MBD5: variants seen among roughly 807,000 people sequenced by gnomAD.
MBD5 encodes the protein methyl-CpG-binding domain protein 5.
MBD5 carries 13 observed loss-of-function variants against 117.3 expected under a neutral mutation model. The ratio of observed to expected loss-of-function variants is 0.11; its 90% CI spans 0.07 to 0.18. The LOEUF (loss-of-function observed/expected upper bound fraction) is 0.18. Ranked by LOEUF, MBD5 falls within the 10% of genes least tolerant of loss-of-function variation. MBD5 has a pLI of 1.00. For synonymous variants in MBD5, 727 were observed against 766.4 expected, an observed-to-expected ratio of 0.95 and a Z score of 0.85; for missense variants, 1,879 against 2,093.8, an observed-to-expected ratio of 0.90 and a Z score of 2.00.
chr2:148,238,185 A>AT (rs1269454453), intron 3 of MBD5, among the ~76,000 whole-genome samples: 3 of 152,220 alleles, frequency 2.0e-5, no homozygotes, highest in African/African-American at 7.2e-5. Flanking sequence ...CTGCTGCTAA[A>AT]TTTTGTTCAC....
In MBD5 at chr2:148,486,067, G is replaced by A; in HGVS notation, c.3753+117G>A. 3.3e-6 allele frequency: 3 copies of A among 903,294 alleles called. No individual in the cohort carries two copies. The East Asian group carries it at 7.3e-5, about 22-fold the overall frequency. 56.0% of individuals were successfully genotyped at this position (903,294 alleles called of 1,614,324 possible). A position where few individuals can be genotyped will look rare whatever the true frequency, so the allele number is the denominator to read the frequency against. On this transcript the variant is annotated intron_variant, in intron 10 of 13. Coordinates refer to ENST00000642680, the MANE Select transcript of MBD5 (RefSeq NM_001378120.1). ...ACGTGCCCTTTCACCTCTATTTACT[G>A]TTATTTCTCAGTCATGAGTATTGTT...
Position 148,021,276 on chromosome 2 carries a change from T to TG in MBD5, c.-1332dup. ...TCCCCCACCCTCCAGCCCTGAGCCCTGAGAGGGGGATTGAGCCTGAGAGAG... is the reference window on the plus strand; with the variant it reads ...TCCCCCACCCTCCAGCCCTGAGCCCTGGAGAGGGGGATTGAGCCTGAGAGAG... On this transcript the variant is annotated 5_prime_UTR_variant, in exon 1 of 14. Coordinates refer to ENST00000642680, the MANE Select transcript of MBD5 (RefSeq NM_001378120.1). The TG allele has an allele frequency of 2.8e-6, 1 of 354,036 alleles. No homozygotes were observed. Among genetic ancestry groups the TG allele is most frequent in the Admixed American group, 3.6e-5 (1 of 27,632 alleles). 21.9% of individuals were successfully genotyped at this position (354,036 alleles called of 1,614,324 possible).
chr2:148,397,568 A>T (rs895763479), intron 4 of MBD5, among the ~76,000 whole-genome samples: 1 of 151,998 alleles, frequency 6.6e-6, no homozygotes, highest in Non-Finnish European at 1.5e-5. Context: ...TGACCTCGTG[A>T]TCCACCCGCC....
At chr2:148,188,792 C>G (rs1259770494) in intron 2 of MBD5, among the ~76,000 whole-genome samples, 2 of 151,954 alleles carry the variant, frequency 1.3e-5, no homozygotes, top group Admixed American at 1.3e-4. Context: ...GTCTACAGCT[C>G]CCAGCGTGAG....
chr2:148,320,015 A>C (rs1159421176), intron 3 of MBD5, among the ~76,000 whole-genome samples: 1 of 152,162 alleles, frequency 6.6e-6, no homozygotes, highest in African/African-American at 2.4e-5. Context: ...AGATGATCAT[A>C]TGATTCTTGT....
chr2:148,153,137 G>A (rs1052437860), intron 1 of MBD5, among the ~76,000 whole-genome samples: 6 of 150,970 alleles, frequency 4.0e-5, no homozygotes, highest in African/African-American at 1.5e-4. Flanking sequence ...CAGGCCTGGT[G>A]GTGACAAAAT....
chr2:148,027,330 G>A (rs1227226460), intron 1 of MBD5: 1 of 151,988 alleles, frequency 6.6e-6, no homozygotes, highest in Non-Finnish European at 1.5e-5. Flanking sequence ...ATACTTAAAA[G>A]CTACTGAATT....
rs747171718 is a variant in MBD5, at chr2:148,516,401, G to A, written c.*3460G>A. The A allele has an allele frequency of 1.3e-5, 2 of 152,188 alleles. No individual in the cohort carries two copies. The highest frequency in any genetic ancestry group is 2.4e-5 in the African/African-American group (1 of 41,464). The allele number at this position is 152,188 out of a possible 1,614,324, so 9.4% of individuals were successfully genotyped here. A position where few individuals can be genotyped will look rare whatever the true frequency, so the allele number is the denominator to read the frequency against. On this transcript the variant is annotated 3_prime_UTR_variant, in exon 14 of 14. Transcript: ENST00000642680. ...TTATTTACTTTGCCCATTTATGCCC[G>A]AATGGTGTAATGCAAGACTCAAGAC... is the stretch of plus-strand genomic sequence containing the variant.
At chr2:148,442,823 C>T (rs1706368736) in intron 4 of MBD5, among the ~76,000 whole-genome samples, 1 of 151,244 alleles carries the variant, frequency 6.6e-6, no homozygotes, top group South Asian at 2.1e-4. Context: ...CAAAACTCTG[C>T]AGGACATTGG....
chr2:148,039,254 C>T (rs551023956), intron 1 of MBD5, among the ~76,000 whole-genome samples: 1 of 151,968 alleles, frequency 6.6e-6, no homozygotes, highest in East Asian at 1.9e-4. Context: ...TACAGTGTCT[C>T]CTGTATGTTT....
At chr2:148,242,589 T>A (rs1700238369) in intron 3 of MBD5, among the ~76,000 whole-genome samples, 2 of 152,170 alleles carry the variant, frequency 1.3e-5, no homozygotes, top group Non-Finnish European at 2.9e-5. Flanking sequence ...AGAATGAGTC[T>A]AAGGAAGTTT....
intron 1 of MBD5, among the ~76,000 whole-genome samples, chr2:148,106,075 T>C (rs146027643): frequency 3.5e-3 from 521 of 150,350 alleles, no homozygotes; most frequent in East Asian, 8.4e-3. Context: ...ATATGTTTCA[T>C]TTTGGAAACA....
chr2:148,044,883 A>T (rs1459784607), intron 1 of MBD5: 1 of 152,188 alleles, frequency 6.6e-6, no homozygotes, highest in Non-Finnish European at 1.5e-5. Context: ...ATTAAAATTT[A>T]GTTGGTGATT....
chr2:148,448,532 T>C (rs775676647), intron 4 of MBD5, among the ~76,000 whole-genome samples: 17 of 151,996 alleles, frequency 1.1e-4, no homozygotes, highest in Non-Finnish European at 2.1e-4. Flanking sequence ...TTTATTTATA[T>C]TTGTTTATAT....
rs1385076387 is a variant in MBD5, at chr2:148,515,151, CAT to C, written c.*2211_*2212del. The stretch of plus-strand genomic sequence containing the variant: ...TTTTGTTTATTCACAGACAGACAGA[CAT>C]GTGTGTTTGTATGCTGGGTGTGTCT... On this transcript the variant is annotated 3_prime_UTR_variant, in exon 14 of 14. Coordinates refer to ENST00000642680, the MANE Select transcript of MBD5 (RefSeq NM_001378120.1). The C allele has an allele frequency of 1.6e-4, 24 of 152,194 alleles. No individual in the cohort carries two copies. The highest frequency in any genetic ancestry group is 7.7e-4 in the East Asian group (4 of 5,178). 9.4% of individuals were successfully genotyped at this position (152,194 alleles called of 1,614,324 possible). A position where few individuals can be genotyped will look rare whatever the true frequency, so the allele number is the denominator to read the frequency against.
intron 1 of MBD5, among the ~76,000 whole-genome samples, chr2:148,079,253 A>T (rs2105142932): frequency 6.6e-6 from 1 of 152,352 alleles, no homozygotes; most frequent in African/African-American, 2.4e-5. Context: ...TTCCAATTTC[A>T]AAATGACTGA....
chr2:148,449,974 A>G (rs12691796), intron 4 of MBD5, among the ~76,000 whole-genome samples: 135,888 of 152,042 alleles, frequency 0.89, 61,052 homozygotes, highest in East Asian at 1. Context: ...ATAGAGTATA[A>G]TGGTGTTCTA....
At chr2:148,390,973 T>C (rs750550534) in intron 4 of MBD5, among the ~76,000 whole-genome samples, 10 of 152,232 alleles carry the variant, frequency 6.6e-5, no homozygotes, top group Non-Finnish European at 1.3e-4. Context: ...TTTCTTTCCA[T>C]ATTTCTCTAA....
intron 4 of MBD5, among the ~76,000 whole-genome samples, chr2:148,413,952 A>G (rs1264753166): frequency 2.1e-5 from 3 of 141,954 alleles, no homozygotes; most frequent in South Asian, 4.4e-4. Flanking sequence ...GATCTTTGGT[A>G]TGGTTTTTTG....
Sources: gnomAD v4.1 joint callset for allele counts (sites outside exome capture counted in the v4.1 genomes callset) on GRCh38, gnomAD v4.1.1 for gene constraint, MANE v1.5 for transcripts, NCBI Gene and HGNC (gene_info 2026-07-23, HGNC 2026-07-21) for gene names.